The following ZNF354C variants were observed in gnomAD, a reference collection of about 807,000 sequenced individuals.
ZNF354C encodes the protein zinc finger protein 354C, also known as KRAB-zinc finger protein synten.
ZNF354C carries 7 observed loss-of-function variants against 12.4 expected under a neutral mutation model. The ratio of observed to expected loss-of-function variants is 0.56; its 90% CI spans 0.32 to 1.06. ZNF354C has a LOEUF of 1.06. Among genes scored for constraint, ZNF354C ranks in the 50% least tolerant of loss-of-function variants. The pLI is 0.04. For missense variants in ZNF354C, 609 were observed against 658.0 expected (o/e 0.93, Z 0.81); for synonymous variants, 202 against 224.5 (o/e 0.90, Z 0.90).
chr5:179,076,456 A>G lies in ZNF354C; in HGVS notation c.39A>G (p.Thr13=). 1.2e-6 allele frequency: 2 copies of G among 1,614,170 alleles called. No individual in the cohort carries two copies. The highest frequency in any genetic ancestry group is 1.7e-6 in the Non-Finnish European group (2 of 1,180,022). The change falls in exon 3 of 5, where the codon ACA becomes ACG. Residue 13 remains threonine (T), a synonymous_variant. Coordinates refer to ENST00000315475, the MANE Select transcript of ZNF354C (RefSeq NM_014594.3). ...GTTTGCCATTACAGGAGCCTGTGAC[A>G]TTCAGGGATGTGGCCGTGTTCTTCA... ...VDLLSAQEPV[T]FRDVAVFFSQ... is the part of the protein sequence containing the mutation.
chr5:179,062,151 G>T, intron 2 of ZNF354C, 56 bp downstream of exon 2: 1 of 1,604,860 alleles, frequency 6.2e-7, no homozygotes, highest in Non-Finnish European at 8.5e-7. Flanking sequence ...TTCAGAGATG[G>T]TAGACATGTT....
chr5:179,062,084 C>T lies in ZNF354C; in HGVS notation c.16C>T (p.Leu6=), dbSNP rs199509558. Residue 6 remains leucine, a synonymous_variant, in exon 2 of 5, where the codon CTG becomes TTG. Coordinates refer to ENST00000315475, the MANE Select transcript of ZNF354C (RefSeq NM_014594.3). ...GGAGGAAGGGATGGCTGTGGATCTG[C>T]TGTCTGCTCAGGTGAGAGTGAGTGA... MAVDL[L]SAQEPVTFRD... The T allele has an allele frequency of 2.5e-6, 4 of 1,614,208 alleles. No homozygotes were observed. In the African/African-American group the frequency reaches 5.3e-5, roughly 22 times the overall value.
chr5:179,074,291 CTTT>C (rs34702354), intron 2 of ZNF354C, among the ~76,000 whole-genome samples: 4 of 139,398 alleles, frequency 2.9e-5, no homozygotes, highest in Admixed American at 7.1e-5. Flanking sequence ...AATTTTTGTA[CTTT>C]TTTTTTTTTT....
At chr5:179,073,646 TTTG>T (rs745823714) in intron 2 of ZNF354C, among the ~76,000 whole-genome samples, 36 of 152,124 alleles carry the variant, frequency 2.4e-4, no homozygotes, top group Non-Finnish European at 3.1e-4. Flanking sequence ...AGCATGGTTT[TTTG>T]TTGTTGTTGT....
chr5:179,078,099 C>G (rs183552484), intron 4 of ZNF354C, among the ~76,000 whole-genome samples: 8 of 152,152 alleles, frequency 5.3e-5, no homozygotes, highest in African/African-American at 1.9e-4. Flanking sequence ...CCGCGCCCGG[C>G]CTGTCTTCTC....
chr5:179,077,032 T>A, intron 3 of ZNF354C, 39 bp from the exon 4 acceptor site: 1 of 1,569,112 alleles, frequency 6.4e-7, no homozygotes, highest in Non-Finnish European at 8.8e-7. Flanking sequence ...TTGGTCTTCA[T>A]GCTATTTGTT....
In ZNF354C at chr5:179,062,036, C is replaced by T. The variant is rs1375572907; in HGVS notation, c.-33C>T. On this transcript the variant is annotated 5_prime_UTR_variant, in exon 2 of 5. Transcript: ENST00000315475. ...GCAGACCCACCGTGTCCACACTCTG[C>T]TCTCCCTGGGCAGGAAGACTGAGGA... is the stretch of plus-strand genomic sequence containing the variant. The T allele has an allele frequency of 1.9e-6, 3 of 1,613,588 alleles. No homozygotes were observed. Among genetic ancestry groups the T allele is most frequent in the South Asian group, 1.1e-5 (1 of 91,062 alleles).
In ZNF354C at chr5:179,079,750, T is replaced by C. The variant is rs1219096954; in HGVS notation, c.1318T>C (p.Tyr440His). 6.2e-7 allele frequency: 1 copy of C among 1,614,000 alleles called. No homozygotes were observed. Among genetic ancestry groups the C allele is most frequent in the Non-Finnish European group, 8.5e-7 (1 of 1,180,040 alleles). The part of the protein sequence containing the change: ...HRKIHTGEKL[Y>H]TCEECGKAFG... ...GAAAATTCATACTGGGGAAAAACTT[T>C]ATACATGTGAGGAATGTGGGAAAGC... The change falls in exon 5 of 5, where the codon TAT becomes CAT. Residue 440 changes from tyrosine (Y) to histidine (H), a missense_variant. Transcript: ENST00000315475. This position sits in a 1 kb window ranked among gnomAD's most constrained non-coding sequence, Gnocchi z 4.2.
rs1762195913 is a variant in ZNF354C at position 179,079,741 on chromosome 5, GA to G, written c.1314del (p.Lys438AsnfsTer46). ...FNEHRKIHTGEKLYTCEECGK... is the reference protein window; with the variant it reads ...FNEHRKIHTGXKLYTCEECGK... ...TGAACATCGGAAAATTCATACTGGG[GA>G]AAAACTTTATACATGTGAGGAATGT... On this transcript the variant is annotated frameshift_variant, in exon 5 of 5. Transcript: ENST00000315475. LOFTEE classifies it low-confidence loss of function (END_TRUNC). The surrounding 1 kb of genome is among the most constrained non-coding windows in gnomAD (Gnocchi z 4.2). 2 of 1,614,096 alleles carry G rather than the reference GA, an allele frequency of 1.2e-6. No individual in the cohort carries two copies. The highest frequency in any genetic ancestry group is 1.7e-6 in the Non-Finnish European group (2 of 1,180,030).
At chr5:179,070,697 C>T (rs1762035409) in intron 2 of ZNF354C, among the ~76,000 whole-genome samples, 1 of 152,146 alleles carries the variant, frequency 6.6e-6, no homozygotes, top group African/African-American at 2.4e-5. Flanking sequence ...TGCCACAACC[C>T]AGATTCTCAT....
Position 179,079,438 on chromosome 5 carries a change from GC to G in ZNF354C, c.1008del (p.Phe337SerfsTer35), listed in dbSNP as rs750639373. ...CTATAAATGCGGCGAATGTGAGAAG[GC>G]CTTCAACTGTAGAGCAAAACTTCAC... ...KLYKCGECEK[A>X]FNCRAKLHRH... is the part of the protein sequence containing the mutation. On this transcript the variant is annotated frameshift_variant, in exon 5 of 5. Transcript: ENST00000315475. LOFTEE classifies it low-confidence loss of function (END_TRUNC). The surrounding 1 kb of genome is among the most constrained non-coding windows in gnomAD (Gnocchi z 4.2). The G allele has an allele frequency of 2.5e-6, 4 of 1,613,938 alleles. No individual in the cohort carries two copies. Among genetic ancestry groups the G allele is most frequent in the African/African-American group, 1.3e-5 (1 of 74,972 alleles).
At position 179,080,767 on chromosome 5, in the gene ZNF354C, T is replaced by C. The variant is rs911098206; in HGVS notation, c.*670T>C. 6 of 152,280 alleles carry C rather than the reference T, an allele frequency of 3.9e-5. No homozygotes were observed. The highest frequency in any genetic ancestry group is 3.9e-4 in the East Asian group (2 of 5,178). The allele number at this position is 152,280 out of a possible 1,614,324, so 9.4% of individuals were successfully genotyped here. A position where few individuals can be genotyped will look rare whatever the true frequency, so the allele number is the denominator to read the frequency against. On this transcript the variant is annotated 3_prime_UTR_variant, in exon 5 of 5. Transcript: ENST00000315475. The stretch of plus-strand genomic sequence containing the variant: ...GTAGACTCTCTTTCTTTTACTTTCT[T>C]CCATTATTTCTTAAATTGATGTGGT...
chr5:179,076,558 C>T lies in ZNF354C; in HGVS notation c.141C>T (p.Ser47=). Residue 47 remains serine (S), a synonymous_variant, in exon 3 of 5, where the codon AGC becomes AGT. Coordinates refer to ENST00000315475, the MANE Select transcript of ZNF354C (RefSeq NM_014594.3). Reference sequence around the variant, plus strand: ...AGGTGATGCTGGAGAACTACAGCAGCCTGGTCTCACTGGGTAAGAATTTTT... The same window carrying T: ...AGGTGATGCTGGAGAACTACAGCAGTCTGGTCTCACTGGGTAAGAATTTTT... The part of the protein sequence containing the change: ...YREVMLENYS[S]LVSLGIPFSM... 1 of 1,614,004 alleles carries T rather than the reference C, an allele frequency of 6.2e-7. No individual in the cohort carries two copies.
Position 179,079,996 on chromosome 5 carries a change from A to C in ZNF354C, c.1564A>C (p.Lys522Gln), listed in dbSNP as rs1370206714. 6.2e-7 allele frequency: 1 copy of C among 1,613,920 alleles called. No homozygotes were observed. Among genetic ancestry groups the C allele is most frequent in the African/African-American group, 1.3e-5 (1 of 74,930 alleles). Residue 522 changes from lysine to glutamine, a missense_variant, in exon 5 of 5, where the codon AAA becomes CAA. Coordinates refer to ENST00000315475, the MANE Select transcript of ZNF354C (RefSeq NM_014594.3). The surrounding 1 kb of genome is among the most constrained non-coding windows in gnomAD (Gnocchi z 4.2). ...CRHKKVHTKE[K>Q]LYKWKEYGKP... Reference sequence around the variant, plus strand: ...ACACAAAAAAGTTCACACGAAAGAGAAACTCTATAAGTGGAAGGAATATGG... The same window carrying C: ...ACACAAAAAAGTTCACACGAAAGAGCAACTCTATAAGTGGAAGGAATATGG...
chr5:179,061,860 T>C (rs543186946), intron 1 of ZNF354C, among the ~76,000 whole-genome samples, 155 bp from the exon 2 acceptor site: 28 of 152,288 alleles, frequency 1.8e-4, no homozygotes, highest in Admixed American at 1.8e-3. Context: ...GGTTGGCACA[T>C]TGCCCTAGTA....
Position 179,081,623 on chromosome 5 carries a change from A to G in ZNF354C, c.*1526A>G, listed in dbSNP as rs969378177. 1.3e-5 allele frequency: 2 copies of G among 152,306 alleles called. No individual in the cohort carries two copies. The highest frequency in any genetic ancestry group is 1.3e-4 in the Admixed American group (2 of 15,300). 9.4% of individuals were successfully genotyped at this position (152,306 alleles called of 1,614,324 possible). A position where few individuals can be genotyped will look rare whatever the true frequency, so the allele number is the denominator to read the frequency against. On this transcript the variant is annotated 3_prime_UTR_variant, in exon 5 of 5. Coordinates refer to ENST00000315475, the MANE Select transcript of ZNF354C (RefSeq NM_014594.3). Reference sequence around the variant, plus strand: ...GTAATTATTTTATGTATTTAAATACATTTACAAAGAAAATGAGGCTTTTAA... The same window carrying G: ...GTAATTATTTTATGTATTTAAATACGTTTACAAAGAAAATGAGGCTTTTAA...
chr5:179,067,895 C>A (rs968000331), intron 2 of ZNF354C, among the ~76,000 whole-genome samples: 1 of 151,878 alleles, frequency 6.6e-6, no homozygotes, highest in East Asian at 1.9e-4. Flanking sequence ...CATAGTGGCT[C>A]ACGCCTGTAA....
At chr5:179,068,710 T>A (rs935399974) in intron 2 of ZNF354C, among the ~76,000 whole-genome samples, 9 of 152,120 alleles carry the variant, frequency 5.9e-5, no homozygotes, top group African/African-American at 2.2e-4. Flanking sequence ...GCTGTGAGTG[T>A]CCTGTTAACA....
chr5:179,083,357 T>G lies in ZNF354C; in HGVS notation c.*3260T>G, dbSNP rs1472993858. ...ATTCTTAGGAGATGCATGCAGAAGTTTTTTTTTTAAGTTTTGAAAAGTCAT... is the reference window on the plus strand; with the variant it reads ...ATTCTTAGGAGATGCATGCAGAAGTGTTTTTTTTAAGTTTTGAAAAGTCAT... On this transcript the variant is annotated 3_prime_UTR_variant, in exon 5 of 5. Coordinates refer to ENST00000315475, the MANE Select transcript of ZNF354C (RefSeq NM_014594.3). 1 of 158,308 alleles carries G rather than the reference T, an allele frequency of 6.3e-6. No homozygotes were observed. Among genetic ancestry groups the G allele is most frequent in the African/African-American group, 2.4e-5 (1 of 41,482 alleles). 9.8% of individuals were successfully genotyped at this position (158,308 alleles called of 1,614,324 possible).
Sources: gnomAD v4.1 joint callset for allele counts (sites outside exome capture counted in the v4.1 genomes callset) on GRCh38, gnomAD v4.1.1 for gene constraint, Gnocchi (gnomAD v3.1) non-coding constraint, MANE v1.5 for transcripts, NCBI Gene and HGNC (gene_info 2026-07-23, HGNC 2026-07-21) for gene names.